The following PDZRN4 variants were observed in gnomAD, a reference collection of about 807,000 sequenced individuals.
PDZRN4 encodes PDZ domain-containing RING finger protein 4.
PDZRN4 carries 70 observed loss-of-function variants against 99.0 expected under a neutral mutation model. That is an observed-to-expected ratio of 0.71 (90% CI 0.58 to 0.86). The LOEUF is 0.86. Ranked by LOEUF, PDZRN4 falls within the 40% of genes least tolerant of loss-of-function variation. The pLI is 0.00. For synonymous variants in PDZRN4, 551 were observed against 501.6 expected, an observed-to-expected ratio of 1.10 and a Z score of -1.32; for missense variants, 1,474 against 1,331.2, an observed-to-expected ratio of 1.11 and a Z score of -1.67.
At position 41,573,204 on chromosome 12, in the gene PDZRN4, A is replaced by G. The variant is rs1210065201; in HGVS notation, c.2425A>G (p.Lys809Glu). 6.2e-7 allele frequency: 1 copy of G among 1,614,104 alleles called. No homozygotes were observed. Among genetic ancestry groups the G allele is most frequent in the Middle Eastern group, 1.6e-4 (1 of 6,062 alleles). The change falls in exon 10 of 10, where the codon AAG (lysine) becomes GAG (glutamate). Residue 809 changes from lysine (K) to glutamate (E), a missense_variant. Physicochemically the swap from Lys to Glu is moderately conservative, Grantham distance 56. Transcript: ENST00000402685. Reference sequence around the variant, plus strand: ...AGGTTGTAGCGCTGAAAGCAAGGAGAAGGTTTTAGAAGGCAGCAAGCTTCC... The same window carrying G: ...AGGTTGTAGCGCTGAAAGCAAGGAGGAGGTTTTAGAAGGCAGCAAGCTTCC... ...EQGCSAESKE[K>E]VLEGSKLPDQ...
At chr12:41,282,730 A>G (rs1284894007) in intron 3 of PDZRN4, among the ~76,000 whole-genome samples, 3 of 152,174 alleles carry the variant, frequency 2.0e-5, no homozygotes, top group Non-Finnish European at 2.9e-5. Flanking sequence ...ACTCAAAACC[A>G]TACAACTACA....
chr12:41,423,353 T>C (rs553351274), intron 3 of PDZRN4, among the ~76,000 whole-genome samples: 3 of 152,050 alleles, frequency 2.0e-5, no homozygotes, highest in African/African-American at 2.4e-5. Context: ...TGTCCATGTA[T>C]TCTCATTGTT....
chr12:41,464,099 T>A (rs890491523), intron 3 of PDZRN4, among the ~76,000 whole-genome samples: 1 of 152,264 alleles, frequency 6.6e-6, no homozygotes, highest in South Asian at 2.1e-4. Flanking sequence ...CCTCCAGAAG[T>A]GGCTGCTTTG....
intron 3 of PDZRN4, among the ~76,000 whole-genome samples, chr12:41,211,750 G>A (rs141044044): frequency 3.9e-5 from 6 of 152,020 alleles, no homozygotes; most frequent in African/African-American, 1.2e-4. Context: ...ATGAAAATCA[G>A]TTTAGGCAAA....
chr12:41,240,105 C>T (rs780024472), intron 3 of PDZRN4, among the ~76,000 whole-genome samples: 1 of 149,212 alleles, frequency 6.7e-6, no homozygotes, highest in Non-Finnish European at 1.5e-5. Flanking sequence ...TTTCTTTCTT[C>T]TCTTTGCTCA....
intron 3 of PDZRN4, among the ~76,000 whole-genome samples, chr12:41,321,517 A>T (rs937377894): frequency 2.0e-5 from 3 of 152,196 alleles, no homozygotes; most frequent in African/African-American, 7.2e-5. Context: ...CTCATGGAAA[A>T]GTAAAAACTA....
intron 3 of PDZRN4, among the ~76,000 whole-genome samples, chr12:41,241,430 A>C (rs1224565411): frequency 1.3e-5 from 2 of 150,052 alleles, no homozygotes; most frequent in Non-Finnish European, 2.9e-5. Context: ...AAACTGACTT[A>C]AAAATCAATC....
intron 3 of PDZRN4, among the ~76,000 whole-genome samples, chr12:41,287,351 A>G (rs899766074): frequency 6.6e-6 from 1 of 152,208 alleles, no homozygotes; most frequent in Admixed American, 6.5e-5. Context: ...TTTCTAGCTC[A>G]AAATTGTATC....
intron 3 of PDZRN4, among the ~76,000 whole-genome samples, chr12:41,227,351 A>G (rs1219263062): frequency 6.6e-6 from 1 of 152,058 alleles, no homozygotes; most frequent in Non-Finnish European, 1.5e-5. Flanking sequence ...AGAATTTGCA[A>G]ATGACCTAAC....
intron 3 of PDZRN4, among the ~76,000 whole-genome samples, chr12:41,495,645 C>G (rs1937986075): frequency 6.6e-6 from 1 of 152,086 alleles, no homozygotes; most frequent in Non-Finnish European, 1.5e-5. Flanking sequence ...TTTTATACCC[C>G]TAAACCTAAA....
At chr12:41,534,033 C>A (rs1938708278) in intron 5 of PDZRN4, among the ~76,000 whole-genome samples, 1 of 151,998 alleles carries the variant, frequency 6.6e-6, no homozygotes, top group South Asian at 2.1e-4. Flanking sequence ...TTAATTAATT[C>A]TTTTACTTTC....
Position 41,188,492 on chromosome 12 carries a change from G to C in PDZRN4, c.37G>C (p.Asp13His). The change falls in exon 1 of 10, where the codon GAC (aspartate) becomes CAC (histidine). Residue 13 changes from aspartate (D) to histidine (H), a missense_variant. Coordinates refer to ENST00000402685, the MANE Select transcript of PDZRN4 (RefSeq NM_001164595.2). ...CCTGGAGCGCTTCGCAGAAGCCGTG[G>C]ACCCGGCTCTGGAGTGCAAACTGTG... ...FALERFAEAVDPALECKLCGQ... is the reference protein window; with the variant it reads ...FALERFAEAVHPALECKLCGQ... 1 of 1,592,038 alleles carries C rather than the reference G, an allele frequency of 6.3e-7. No individual in the cohort carries two copies. Among genetic ancestry groups the C allele is most frequent in the Non-Finnish European group, 8.5e-7 (1 of 1,176,942 alleles).
chr12:41,292,550 T>C (rs2120912012), intron 3 of PDZRN4, among the ~76,000 whole-genome samples: 1 of 152,324 alleles, frequency 6.6e-6, no homozygotes, highest in East Asian at 1.9e-4. Flanking sequence ...GGGTTTGTGC[T>C]TCCTTTTGCC....
intron 3 of PDZRN4, among the ~76,000 whole-genome samples, chr12:41,340,762 T>C (rs1232157832): frequency 6.6e-6 from 1 of 151,792 alleles, no homozygotes; most frequent in African/African-American, 2.4e-5. Context: ...CCACGACCCA[T>C]TGGCTTCACT....
intron 3 of PDZRN4, among the ~76,000 whole-genome samples, chr12:41,239,023 T>C (rs1951087024): frequency 6.6e-6 from 1 of 152,148 alleles, no homozygotes; most frequent in Admixed American, 6.5e-5. Context: ...CATATATTCT[T>C]TGCAGCACTA....
chr12:41,301,531 G>A (rs1951535390), intron 3 of PDZRN4, among the ~76,000 whole-genome samples: 1 of 151,918 alleles, frequency 6.6e-6, no homozygotes, highest in Admixed American at 6.6e-5. Context: ...ACATTATTGG[G>A]ATTCTATGTC....
chr12:41,570,774 G>A (rs73115842), intron 9 of PDZRN4, among the ~76,000 whole-genome samples: 50 of 152,164 alleles, frequency 3.3e-4, no homozygotes, highest in Non-Finnish European at 6.2e-4. Context: ...CACAGCCTAG[G>A]GATGCAGCAA....
intron 5 of PDZRN4, among the ~76,000 whole-genome samples, chr12:41,524,293 C>T (rs984988074): frequency 6.6e-6 from 1 of 152,112 alleles, no homozygotes; most frequent in Admixed American, 6.6e-5. Flanking sequence ...CAAAAGTGAT[C>T]TACAGATTCA....
At chr12:41,532,776 T>C (rs143396672) in intron 5 of PDZRN4, among the ~76,000 whole-genome samples, 264 of 152,324 alleles carry the variant, frequency 1.7e-3, no homozygotes, top group African/African-American at 5.3e-3. Context: ...GGAATATTTA[T>C]ATACCAAACC....
Sources: allele counts gnomAD v4.1 joint callset (sites outside exome capture counted in the v4.1 genomes callset), GRCh38; gene constraint gnomAD v4.1.1; transcripts MANE v1.5; gene names NCBI Gene and HGNC (gene_info 2026-07-23, HGNC 2026-07-21).